The following CUX1 variants were observed in gnomAD, a reference collection of about 807,000 sequenced individuals.
CUX1 encodes the protein protein CASP.
Under a neutral mutation model 158.8 loss-of-function variants are expected in CUX1, and 31 were observed. The ratio of observed to expected loss-of-function variants is 0.20; its 90% CI spans 0.15 to 0.26. The LOEUF (loss-of-function observed/expected upper bound fraction) is 0.26. Among genes scored for constraint, CUX1 ranks in the 10% least tolerant of loss-of-function variants. The probability of loss-of-function intolerance (pLI) is 1.00; values close to 1 mark genes in which losing one functional copy is unlikely to be tolerated. For synonymous variants in CUX1, 879 were observed against 862.1 expected (o/e 1.02, Z -0.34); for missense variants, 1,589 against 2,014.6 (o/e 0.79, Z 4.04).
At chr7:101,966,912 C>T (rs1811291414) in intron 2 of CUX1, among the ~76,000 whole-genome samples, 2 of 152,198 alleles carry the variant, frequency 1.3e-5, no homozygotes, top group Non-Finnish European at 2.9e-5. Flanking sequence ...GCCGGCCTAG[C>T]TCCAGGACAC....
intron 1 of CUX1, among the ~76,000 whole-genome samples, chr7:101,862,899 A>ATT (rs11306288): frequency 6.0e-5 from 9 of 149,286 alleles, no homozygotes; most frequent in African/African-American, 1.2e-4. Flanking sequence ...CATTTCATGT[A>ATT]TTTTTTTTTT....
At chr7:101,964,244 T>A (rs1810862253) in intron 2 of CUX1, among the ~76,000 whole-genome samples, 1 of 151,996 alleles carries the variant, frequency 6.6e-6, no homozygotes, top group Non-Finnish European at 1.5e-5. Context: ...TCCCAGCTTC[T>A]CAGGAGGCTG....
chr7:101,889,755 G>T (rs1343494467), intron 1 of CUX1, among the ~76,000 whole-genome samples: 5 of 152,206 alleles, frequency 3.3e-5, no homozygotes, highest in African/African-American at 1.2e-4. Context: ...CTGGGCGACA[G>T]AGCAAGACTA....
intron 2 of CUX1, among the ~76,000 whole-genome samples, chr7:102,007,699 C>T (rs1268465959): frequency 6.6e-6 from 1 of 151,254 alleles, no homozygotes; most frequent in Non-Finnish European, 1.5e-5. Context: ...CTTCCTCCTC[C>T]CCCCTCCCTC....
intron 5 of CUX1, among the ~76,000 whole-genome samples, chr7:102,101,269 C>T (rs989416944): frequency 6.6e-6 from 1 of 152,212 alleles, no homozygotes; most frequent in African/African-American, 2.4e-5. Context: ...CCACCCATCC[C>T]GCAATGATGA....
intron 2 of CUX1, among the ~76,000 whole-genome samples, chr7:101,966,171 T>C (rs1811181892): frequency 6.6e-6 from 1 of 152,068 alleles, no homozygotes; most frequent in Non-Finnish European, 1.5e-5. Flanking sequence ...GCTCAGCTGA[T>C]CCTCTTGCCC....
At position 102,060,608 on chromosome 7, in the gene CUX1, AACACAC is replaced by A. The variant is rs58786987; in HGVS notation, c.190-9700_190-9695del. ...ATATATATATACACACACACAAATA[AACACAC>A]ACACACACACACACACACACACACA... On this transcript the variant is annotated intron_variant, in intron 3 of 23. Coordinates refer to ENST00000292535, the MANE Select transcript of CUX1 (RefSeq NM_181552.4). 1.1e-3 allele frequency among the ~76,000 whole-genome samples: 151 copies of A among 133,300 alleles called. 1 individual carries two copies. The highest frequency in any genetic ancestry group is 2.2e-3 in the African/African-American group (79 of 36,682). The allele number at this position is 133,300 out of a possible 152,430, so 87.4% of individuals were successfully genotyped here.
chr7:101,834,420 T>C (rs1392854622), intron 1 of CUX1, among the ~76,000 whole-genome samples: 1 of 151,996 alleles, frequency 6.6e-6, no homozygotes, highest in Non-Finnish European at 1.5e-5. Context: ...GTGATCTACC[T>C]GCCTTGGCCT....
chr7:102,031,018 T>C (rs1820731218), intron 3 of CUX1, among the ~76,000 whole-genome samples: 1 of 152,188 alleles, frequency 6.6e-6, no homozygotes, highest in South Asian at 2.1e-4. Flanking sequence ...TTATCTCTTT[T>C]AATGTAGGAC....
At chr7:102,238,880 T>C (rs1385065712) in intron 22 of CUX1, among the ~76,000 whole-genome samples, 1 of 146,424 alleles carries the variant, frequency 6.8e-6, no homozygotes. Context: ...GCGTTGTTTC[T>C]TTTGTTTTGT....
At chr7:101,930,727 T>C (rs1389833790) in intron 2 of CUX1, among the ~76,000 whole-genome samples, 1 of 152,168 alleles carries the variant, frequency 6.6e-6, no homozygotes, top group Non-Finnish European at 1.5e-5. Flanking sequence ...GAAGCTTAGA[T>C]TGTGATTCTG....
chr7:101,926,719 T>C (rs1805636373), intron 2 of CUX1, among the ~76,000 whole-genome samples: 1 of 152,156 alleles, frequency 6.6e-6, no homozygotes, highest in Non-Finnish European at 1.5e-5. Flanking sequence ...GCAGTGACCT[T>C]GAGCAAGGTC....
upstream of CUX1, chr7:101,817,544 C>T: frequency 1.6e-6 from 2 of 1,274,428 alleles, no homozygotes; most frequent in East Asian, 3.3e-5. This position sits in a 1 kb window ranked among gnomAD's most constrained non-coding sequence, Gnocchi z 4.1. Context: ...GCCTGCCACC[C>T]CCCGCCCGGA....
intron 2 of CUX1, among the ~76,000 whole-genome samples, chr7:101,950,299 T>A (rs1808903141): frequency 1.3e-5 from 2 of 151,876 alleles, no homozygotes; most frequent in Admixed American, 1.3e-4. Flanking sequence ...CGTGAGCCAC[T>A]GCGCTCGGCC....
intron 21 of CUX1, chr7:102,282,610 C>A: frequency 1.6e-6 from 2 of 1,253,652 alleles, no homozygotes; most frequent in Non-Finnish European, 2.2e-6. Flanking sequence ...GAGTCTGGGG[C>A]TCGAGAACCT....
chr7:102,275,075 G>A (rs2293753), intron 16 of CUX1, among the ~76,000 whole-genome samples: 1 of 152,110 alleles, frequency 6.6e-6, no homozygotes, highest in East Asian at 1.9e-4. Context: ...GGTTCCCCTG[G>A]CTGTCCCCTC....
At chr7:101,834,621 G>T (rs935985955) in intron 1 of CUX1, among the ~76,000 whole-genome samples, 2 of 152,168 alleles carry the variant, frequency 1.3e-5, no homozygotes, top group Admixed American at 6.5e-5. Context: ...GCCGCTTGTT[G>T]CCCTGGTGCA....
At chr7:101,821,666 TTTTTC>T in intron 1 of CUX1, among the ~76,000 whole-genome samples, 1 of 120,778 alleles carries the variant, frequency 8.3e-6, no homozygotes, top group Non-Finnish European at 1.6e-5. Flanking sequence ...CTTTTTTTCT[TTTTTC>T]TTTTTTTTTT....
intron 1 of CUX1, among the ~76,000 whole-genome samples, chr7:101,830,232 C>A (rs1276624312): frequency 6.6e-6 from 1 of 152,196 alleles, no homozygotes; most frequent in Non-Finnish European, 1.5e-5. Flanking sequence ...CATGCAGATC[C>A]CCTGACATGG....
Sources: allele counts gnomAD v4.1 joint callset (sites outside exome capture counted in the v4.1 genomes callset), GRCh38; gene constraint gnomAD v4.1.1; non-coding constraint Gnocchi (gnomAD v3.1); transcripts MANE v1.5; gene names NCBI Gene and HGNC (gene_info 2026-07-23, HGNC 2026-07-21).